VPS51: variants seen among roughly 807,000 people sequenced by gnomAD.
The protein encoded by VPS51 is VPS51 subunit of GARP complex.
In VPS51, 55 loss-of-function variants were observed where a neutral mutation model predicts 65.1. The ratio of observed to expected loss-of-function variants is 0.84; its 90% CI spans 0.68 to 1.06. VPS51 has a LOEUF of 1.06. Ranked by LOEUF, VPS51 falls within the 50% of genes least tolerant of loss-of-function variation. VPS51 has a pLI of 0.00. For missense variants in VPS51, 943 were observed against 1,101.6 expected (o/e 0.86, Z 2.04); for synonymous variants, 473 against 489.5 (o/e 0.97, Z 0.44).
chr11:65,098,876 G>A (rs1402106344), intron 2 of VPS51, among the ~76,000 whole-genome samples: 1 of 152,170 alleles, frequency 6.6e-6, no homozygotes, highest in East Asian at 1.9e-4. Context: ...GGATAACCAG[G>A]AGCATTGATG....
rs1373046239 is a variant in VPS51 at position 65,096,241 on chromosome 11, A to G, written c.-10A>G. The G allele has an allele frequency of 6.6e-7, 1 of 1,524,930 alleles. No individual in the cohort carries two copies. The highest frequency in any genetic ancestry group is 8.8e-7 in the Non-Finnish European group (1 of 1,139,052). 94.5% of individuals were successfully genotyped at this position (1,524,930 alleles called of 1,614,324 possible). On this transcript the variant is annotated 5_prime_UTR_variant, in exon 1 of 10. Transcript: ENST00000279281. ...TTCCAGCCTCACGCCCGTGGGCTGC[A>G]GTTGGAACGATGGCGGCGGCAGCTG... is the stretch of plus-strand genomic sequence containing the variant.
chr11:65,107,890 A>C lies in VPS51; in HGVS notation c.593A>C (p.Gln198Pro), dbSNP rs763705454. ...TKCVELGAYG[Q>P]AVRYQGRAQA... ...TGCGTGGAACTGGGCGCCTATGGGC[A>C]GGCGGTGCGCTACCAGGGCCGCGCG... Residue 198 changes from glutamine (Q) to proline (P), a missense_variant, in exon 4 of 10, where the codon CAG becomes CCG. Physicochemically the swap from Gln to Pro is moderately conservative, Grantham distance 76 (BLOSUM62 -1). Transcript: ENST00000279281. This position sits in a 1 kb window ranked among gnomAD's most constrained non-coding sequence, Gnocchi z 4.0. 50 of 1,551,412 alleles carry C rather than the reference A, an allele frequency of 3.2e-5. No individual in the cohort carries two copies. Among genetic ancestry groups the C allele is most frequent in the Non-Finnish European group, 4.3e-5 (49 of 1,148,922 alleles).
chr11:65,109,206 C>A, intron 5 of VPS51, 74 bp from the exon 6 acceptor site: 1 of 1,498,046 alleles, frequency 6.7e-7, no homozygotes, highest in Non-Finnish European at 9.1e-7. Context: ...GCACTTAGAG[C>A]CCCAGCAGAG....
intron 7 of VPS51, 188 bp downstream of exon 7, chr11:65,110,111 C>A: frequency 1.4e-6 from 1 of 691,940 alleles, no homozygotes; most frequent in Non-Finnish European, 2.4e-6. Flanking sequence ...AACAAGTCTC[C>A]AAGGATGAAG....
At chr11:65,100,635 A>G (rs1590810130) in intron 2 of VPS51, among the ~76,000 whole-genome samples, 2 of 144,776 alleles carry the variant, frequency 1.4e-5, no homozygotes, top group South Asian at 4.3e-4. Context: ...AGTTCAAGCG[A>G]TTCTCCTGCC....
intron 2 of VPS51, among the ~76,000 whole-genome samples, chr11:65,098,365 G>T (rs1947785002): frequency 6.6e-6 from 1 of 152,082 alleles, no homozygotes; most frequent in African/African-American, 2.4e-5. Flanking sequence ...GATATTAGGG[G>T]ACACAAAGAT....
rs1456768148 is a variant in VPS51 at position 65,107,877 on chromosome 11, G to T, written c.580G>T (p.Gly194Cys). 1.9e-6 allele frequency: 3 copies of T among 1,551,160 alleles called. No homozygotes were observed. The highest frequency in any genetic ancestry group is 2.4e-5 in the South Asian group (2 of 84,564). ...PSRLTKCVEL[G>C]AYGQAVRYQG... ...GCGCCTCACCAAGTGCGTGGAACTG[G>T]GCGCCTATGGGCAGGCGGTGCGCTA... is the stretch of plus-strand genomic sequence containing the variant. Residue 194 changes from glycine to cysteine, a missense_variant, in exon 4 of 10, where the codon GGC becomes TGC. Around this residue, in one of 2 missense-constraint regions of VPS51, gnomAD observed 855 missense variants for 953.7 expected, o/e 0.90. Coordinates refer to ENST00000279281, the MANE Select transcript of VPS51 (RefSeq NM_013265.4). This position sits in a 1 kb window ranked among gnomAD's most constrained non-coding sequence, Gnocchi z 4.0.
At chr11:65,109,683 G>T in intron 6 of VPS51, 22 bp from the exon 7 acceptor site, 1 of 1,547,010 alleles carries the variant, frequency 6.5e-7, no homozygotes, top group African/African-American at 1.4e-5. Context: ...CACTCCCTCT[G>T]TCCTCTGCCT....
intron 9 of VPS51, 106 bp from the exon 10 acceptor site, chr11:65,111,221 T>A (rs752054471): frequency 6.6e-7 from 1 of 1,523,938 alleles, no homozygotes; most frequent in Non-Finnish European, 8.8e-7. Flanking sequence ...TTCTGCCTCA[T>A]CCCAGCTACT....
In VPS51 at chr11:65,111,497, G is replaced by A; in HGVS notation, c.2259G>A (p.Leu753=). 3 of 1,613,862 alleles carry A rather than the reference G, an allele frequency of 1.9e-6. No individual in the cohort carries two copies. The highest frequency in any genetic ancestry group is 1.6e-4 in the Middle Eastern group (1 of 6,062). ...VADEELVHLL[L]DEVVASAALR... ...ACGAAGAACTCGTGCACTTGCTGCT[G>A]GACGAAGTGGTGGCCTCTGCTGCCC... The change falls in exon 10 of 10, where the codon CTG becomes CTA. Residue 753 remains leucine, a synonymous_variant. Coordinates refer to ENST00000279281, the MANE Select transcript of VPS51 (RefSeq NM_013265.4).
rs377010488 is a variant in VPS51 at position 65,109,782 on chromosome 11, C to T, written c.1737C>T (p.Tyr579=). 47 of 1,605,486 alleles carry T rather than the reference C, an allele frequency of 2.9e-5. 1 individual carries two copies. Among genetic ancestry groups the T allele is most frequent in the South Asian group, 7.8e-5 (7 of 89,474 alleles). ...RETARRLLTH[Y]VKVQGLVISQ... ...CGGCGCGGCGGCTGCTGACCCACTA[C>T]GTGAAGGTGCAGGGCCTGGTCATAT... The change falls in exon 7 of 10, where the codon TAC becomes TAT. Residue 579 remains tyrosine (Y), a synonymous_variant. Coordinates refer to ENST00000279281, the MANE Select transcript of VPS51 (RefSeq NM_013265.4).
Position 65,108,252 on chromosome 11 carries a change from C to A in VPS51, c.781C>A (p.Leu261Met), listed in dbSNP as rs1467554367. 6.3e-7 allele frequency: 1 copy of A among 1,598,126 alleles called. No individual in the cohort carries two copies. Among genetic ancestry groups the A allele is most frequent in the Admixed American group, 1.7e-5 (1 of 57,960 alleles). ...QAECVELLLALGEPAEELCEE... is the reference protein window; with the variant it reads ...QAECVELLLAMGEPAEELCEE... The stretch of plus-strand genomic sequence containing the variant: ...AGAGTGCGTGGAGCTGCTGCTGGCC[C>A]TGGGCGAGCCTGCGGAGGAGCTGTG... The change falls in exon 5 of 10, where the codon CTG becomes ATG. Residue 261 changes from leucine (L) to methionine (M), a missense_variant. Physicochemically the swap from Leu to Met is conservative, Grantham distance 15. Transcript: ENST00000279281.
At chr11:65,101,838 A>G (rs1016299306) in intron 2 of VPS51, among the ~76,000 whole-genome samples, 21 of 149,208 alleles carry the variant, frequency 1.4e-4, no homozygotes, top group African/African-American at 5.2e-4. Flanking sequence ...GGACAGCTCC[A>G]TGGATTTCAC....
At position 65,108,572 on chromosome 11, in the gene VPS51, G is replaced by A. The variant is rs774884681; in HGVS notation, c.1101G>A (p.Leu367=). The change falls in exon 5 of 10, where the codon CTG becomes CTA. Residue 367 remains leucine, a synonymous_variant. Coordinates refer to ENST00000279281, the MANE Select transcript of VPS51 (RefSeq NM_013265.4). ...AQEQGGGDNS[L]LVRALDRFHR... is the part of the protein sequence containing the mutation. ...AGCAGGGTGGTGGTGACAACTCACTGCTGGTGCGGGCGCTGGACCGCTTCC... is the reference window on the plus strand; with the variant it reads ...AGCAGGGTGGTGGTGACAACTCACTACTGGTGCGGGCGCTGGACCGCTTCC... 1.5e-5 allele frequency: 24 copies of A among 1,552,912 alleles called. No homozygotes were observed. The South Asian group carries it at 2.6e-4, about 17-fold the overall frequency.
Position 65,107,910 on chromosome 11 carries a change from C to T in VPS51, c.613C>T (p.Arg205Cys), listed in dbSNP as rs1018118672. 3.2e-6 allele frequency: 5 copies of T among 1,552,918 alleles called. No individual in the cohort carries two copies. The highest frequency in any genetic ancestry group is 1.9e-5 in the Admixed American group (1 of 51,676). ...AYGQAVRYQG[R>C]AQAVLQQYQH... ...TGGGCAGGCGGTGCGCTACCAGGGC[C>T]GCGCGCAGGCCGTGCTGCAGCAGTA... Residue 205 changes from arginine to cysteine, a missense_variant, in exon 4 of 10, where the codon CGC (arginine) becomes TGC (cysteine). By Grantham distance (180) the Arg-to-Cys change is radical. Around this residue, in one of 2 missense-constraint regions of VPS51, gnomAD observed 855 missense variants for 953.7 expected, o/e 0.90. Coordinates refer to ENST00000279281, the MANE Select transcript of VPS51 (RefSeq NM_013265.4). This position sits in a 1 kb window ranked among gnomAD's most constrained non-coding sequence, Gnocchi z 4.0.
chr11:65,103,589 G>A (rs1011447131), intron 2 of VPS51, among the ~76,000 whole-genome samples: 6 of 151,668 alleles, frequency 4.0e-5, no homozygotes, highest in Admixed American at 3.9e-4. Context: ...GTTTCTGTTT[G>A]TTTCTTGTCA....
chr11:65,104,047 G>A (rs187270224), intron 2 of VPS51, among the ~76,000 whole-genome samples: 1 of 152,116 alleles, frequency 6.6e-6, no homozygotes, highest in Admixed American at 6.5e-5. Context: ...TCCTGCCTCA[G>A]CCTTCCCAGT....
At chr11:65,098,466 T>A (rs1947785773) in intron 2 of VPS51, among the ~76,000 whole-genome samples, 1 of 152,230 alleles carries the variant, frequency 6.6e-6, no homozygotes, top group Non-Finnish European at 1.5e-5. Flanking sequence ...TGTGCTGTTT[T>A]GAGGAGATGT....
At chr11:65,110,852 C>A in intron 9 of VPS51, 71 bp downstream of exon 9, 1 of 1,573,394 alleles carries the variant, frequency 6.4e-7, no homozygotes, top group Non-Finnish European at 8.7e-7. Context: ...CCCACACCTG[C>A]CCAAGGAGCC....
Sources: gnomAD v4.1 joint callset for allele counts (sites outside exome capture counted in the v4.1 genomes callset) on GRCh38, gnomAD v4.1.1 for gene constraint, gnomAD v4.1.1 regional missense constraint, Gnocchi (gnomAD v3.1) non-coding constraint, MANE v1.5 for transcripts, NCBI Gene and HGNC (gene_info 2026-07-23, HGNC 2026-07-21) for gene names.